The following PRRG1 variants were observed in gnomAD, a reference collection of about 807,000 sequenced individuals.
PRRG1 encodes the protein proline rich and Gla domain 1.
A neutral mutation model predicts 11.8 loss-of-function variants in PRRG1; 5 were observed. The observed-to-expected ratio is 0.42, with a 90% CI of 0.22 to 0.89. PRRG1 has a LOEUF of 0.89. Among genes scored for constraint, PRRG1 ranks in the 40% least tolerant of loss-of-function variants. The pLI, the probability that PRRG1 is intolerant of heterozygous loss-of-function variation, is 0.28. For synonymous variants in PRRG1, 66 were observed against 60.4 expected (o/e 1.09, Z -0.43); for missense variants, 155 against 166.1 (o/e 0.93, Z 0.37).
chrX:37,364,200 CA>C (rs1268294743), intron 1 of PRRG1, among the ~76,000 whole-genome samples: 1 of 110,542 alleles, frequency 9.0e-6, no homozygotes, highest in Admixed American at 9.6e-5. Context: ...TCACCCCCTC[CA>C]AAAAAGTTTC....
At chrX:37,420,668 C>CAAAAAAAAAAAAAAA (rs1302856034) in intron 2 of PRRG1, among the ~76,000 whole-genome samples, 8 of 29,511 alleles carry the variant, frequency 2.7e-4, no homozygotes, top group African/African-American at 8.5e-4. Context: ...CCCGTCTATG[C>CAAAAAAAAAAAAAAA]AAAAAAAAAA....
intron 3 of PRRG1, among the ~76,000 whole-genome samples, chrX:37,432,099 T>A (rs1230855528): frequency 1.0e-5 from 1 of 98,635 alleles, no homozygotes; most frequent in East Asian, 3.2e-4. Flanking sequence ...AATGTTTTTT[T>A]TTTTTTGAGA....
chrX:37,423,058 G>C (rs1556387478), intron 2 of PRRG1, among the ~76,000 whole-genome samples: 1 of 111,047 alleles, frequency 9.0e-6, no homozygotes, highest in Non-Finnish European at 1.9e-5. Context: ...TGTCCCTGAA[G>C]ACCTTCAAGT....
chrX:37,378,138 T>C (rs1438563915), intron 1 of PRRG1, among the ~76,000 whole-genome samples: 1 of 112,319 alleles, frequency 8.9e-6, no homozygotes, highest in Non-Finnish European at 1.9e-5. Context: ...CAATATTTTT[T>C]CCAGACGATT....
chrX:37,449,283 CTCA>C (rs1489659918), intron 3 of PRRG1, among the ~76,000 whole-genome samples: 1 of 111,507 alleles, frequency 9.0e-6, no homozygotes, highest in African/African-American at 3.3e-5. Context: ...CTAGGCCCTC[CTCA>C]TCAATACATA....
At chrX:37,422,006 T>A (rs1556387179) in intron 2 of PRRG1, among the ~76,000 whole-genome samples, 3 of 111,657 alleles carry the variant, frequency 2.7e-5, no homozygotes, top group African/African-American at 9.8e-5. Flanking sequence ...GTACAAGAAA[T>A]ACATAGAATA....
chrX:37,452,969 G>T (rs1556396892), intron 3 of PRRG1, among the ~76,000 whole-genome samples, 167 bp from the exon 4 acceptor site: 3 of 112,043 alleles, frequency 2.7e-5, no homozygotes, highest in Non-Finnish European at 5.6e-5. Context: ...TTATGTATTT[G>T]TAATTTCTTG....
At chrX:37,437,972 C>G (rs974220683) in intron 3 of PRRG1, among the ~76,000 whole-genome samples, 1 of 109,668 alleles carries the variant, frequency 9.1e-6, no homozygotes, top group African/African-American at 3.3e-5. Flanking sequence ...CTATGGGAGG[C>G]TGAGGTGGGC....
At chrX:37,410,211 C>T (rs1477599237) in intron 2 of PRRG1, among the ~76,000 whole-genome samples, 1 of 111,835 alleles carries the variant, frequency 8.9e-6, no homozygotes, top group Non-Finnish European at 1.9e-5. Context: ...CACTTTATAA[C>T]TCATAGGTAT....
At chrX:37,362,922 C>T (rs782041245) in intron 1 of PRRG1, among the ~76,000 whole-genome samples, 83 of 111,800 alleles carry the variant, frequency 7.4e-4, no homozygotes, top group Non-Finnish European at 1.3e-3. Flanking sequence ...TGACAGTTCT[C>T]TTCTTCACAT....
At chrX:37,444,970 C>T (rs1461971234) in intron 3 of PRRG1, among the ~76,000 whole-genome samples, 1 of 111,499 alleles carries the variant, frequency 9.0e-6, no homozygotes, top group Non-Finnish European at 1.9e-5. Flanking sequence ...CCACCCTTAA[C>T]TTCCTCCCAC....
At position 37,455,756 on chromosome X, in the gene PRRG1, T is replaced by C; in HGVS notation, c.*2135T>C. On this transcript the variant is annotated 3_prime_UTR_variant, in exon 4 of 4. Transcript: ENST00000378628. ...TTTGGCTTCTATTTAAAGCTAAAGG[T>C]AGAAGTGTTTGATCCAGTGAACTGT... 1 of 112,587 alleles carries C rather than the reference T, an allele frequency of 8.9e-6. No homozygotes were observed. Among genetic ancestry groups the C allele is most frequent in the East Asian group, 2.8e-4 (1 of 3,606 alleles). The allele number at this position is 112,587 out of a possible 1,213,427, so 9.3% of individuals were successfully genotyped here. A position where few individuals can be genotyped will look rare whatever the true frequency, so the allele number is the denominator to read the frequency against.
At chrX:37,394,689 G>T (rs1931657265) in intron 1 of PRRG1, among the ~76,000 whole-genome samples, 1 of 110,955 alleles carries the variant, frequency 9.0e-6, no homozygotes, top group African/African-American at 3.3e-5. Context: ...CCAAGAATAG[G>T]AGTTTCCAGT....
intron 2 of PRRG1, among the ~76,000 whole-genome samples, chrX:37,415,235 C>A (rs1181803740): frequency 9.0e-6 from 1 of 111,273 alleles, no homozygotes; most frequent in Non-Finnish European, 1.9e-5. Context: ...ATGGCGAAGC[C>A]CCGTCTGTAC....
chrX:37,425,876 A>G lies in PRRG1; in HGVS notation c.47A>G (p.Lys16Arg), dbSNP rs1556388242. ...GGAGAAAAAGCCAATTCCATATTAAAACGCTACCCAAGAGCTAATGGGTTT... is the reference window on the plus strand; with the variant it reads ...GGAGAAAAAGCCAATTCCATATTAAGACGCTACCCAAGAGCTAATGGGTTT... ...LTGEKANSIL[K>R]RYPRANGFFE... Residue 16 changes from lysine to arginine, a missense_variant, in exon 3 of 4, where the codon AAA (lysine) becomes AGA (arginine). Coordinates refer to ENST00000378628, the MANE Select transcript of PRRG1 (RefSeq NM_001142395.2). The G allele has an allele frequency of 4.2e-6, 5 of 1,196,859 alleles. 1 individual carries two copies. In the South Asian group the frequency reaches 9.3e-5, roughly 22 times the overall value.
intron 1 of PRRG1, among the ~76,000 whole-genome samples, chrX:37,383,753 ACTT>A (rs1217377946): frequency 9.0e-6 from 1 of 111,001 alleles, no homozygotes; most frequent in Non-Finnish European, 1.9e-5. Context: ...AAATACCTGA[ACTT>A]CTTATATGAT....
At chrX:37,406,701 T>C (rs782666849) in intron 2 of PRRG1, among the ~76,000 whole-genome samples, 1 of 111,183 alleles carries the variant, frequency 9.0e-6, no homozygotes, top group South Asian at 3.8e-4. Flanking sequence ...ATTTGTAATT[T>C]TTTTAAAAAT....
intron 3 of PRRG1, among the ~76,000 whole-genome samples, chrX:37,450,489 A>AT (rs782587813): frequency 1.8e-5 from 2 of 112,252 alleles, no homozygotes; most frequent in South Asian, 7.4e-4. Flanking sequence ...TAGACTAAAA[A>AT]TTTTTTATTT....
chrX:37,409,691 T>TGTATGCTC (rs1932302458), intron 2 of PRRG1, among the ~76,000 whole-genome samples: 1 of 112,286 alleles, frequency 8.9e-6, no homozygotes, highest in African/African-American at 3.2e-5. Context: ...AAGATGCTAC[T>TGTATGCTC]GTATGCTCAT....
Sources: allele counts gnomAD v4.1 joint callset (sites outside exome capture counted in the v4.1 genomes callset), GRCh38; gene constraint gnomAD v4.1.1; transcripts MANE v1.5; gene names NCBI Gene and HGNC (gene_info 2026-07-23, HGNC 2026-07-21).